Variants in GABRA1 observed in about 807,000 individuals in gnomAD.
GABRA1 encodes gamma-aminobutyric acid receptor subunit alpha-1.
GABRA1 carries 9 observed loss-of-function variants against 48.9 expected under a neutral mutation model. The observed-to-expected ratio is 0.18, with a 90% confidence interval of 0.11 to 0.32. The LOEUF is 0.32. Among genes scored for constraint, GABRA1 ranks in the 10% least tolerant of loss-of-function variants. The pLI, the probability that GABRA1 is intolerant of heterozygous loss-of-function variation, is 1.00. For missense variants in GABRA1, 285 were observed against 553.8 expected, an observed-to-expected ratio of 0.51 and a Z score of 4.87; for synonymous variants, 210 against 198.7, an observed-to-expected ratio of 1.06 and a Z score of -0.48.
chr5:161,852,869 G>A (rs1561564237), intron 2 of GABRA1, among the ~76,000 whole-genome samples: 1 of 151,696 alleles, frequency 6.6e-6, no homozygotes, highest in Admixed American at 6.6e-5. Context: ...GCAAAACAGT[G>A]TTTGTTTTTG....
At chr5:161,854,991 T>G (rs555064841) in intron 3 of GABRA1, among the ~76,000 whole-genome samples, 2 of 151,506 alleles carry the variant, frequency 1.3e-5, no homozygotes, top group African/African-American at 4.8e-5. Context: ...CAAAGACTAA[T>G]GAAGCCAAAT....
rs534982201 is a variant in GABRA1 at position 161,898,002 on chromosome 5, G to A, written c.*580G>A. The stretch of plus-strand genomic sequence containing the variant: ...TTCTTTCTCTTTGAAAAAAAAAAAG[G>A]CCTAATGCATTATTTTGTCATAAAA... On this transcript the variant is annotated 3_prime_UTR_variant, in exon 10 of 10. Transcript: ENST00000393943. The A allele has an allele frequency of 4.6e-5, 7 of 150,884 alleles. No individual in the cohort carries two copies. Among genetic ancestry groups the A allele is most frequent in the African/African-American group, 1.5e-4 (6 of 41,076 alleles). 9.3% of individuals were successfully genotyped at this position (150,884 alleles called of 1,614,324 possible).
chr5:161,864,392 A>G (rs997698919), intron 3 of GABRA1, among the ~76,000 whole-genome samples: 3 of 151,992 alleles, frequency 2.0e-5, no homozygotes, highest in African/African-American at 7.2e-5. Flanking sequence ...TCTGATTCAA[A>G]ATTATTTTTT....
chr5:161,895,627 A>G (rs1755326017), intron 8 of GABRA1, 39 bp from the exon 9 acceptor site: 2 of 1,547,584 alleles, frequency 1.3e-6, no homozygotes, highest in South Asian at 1.1e-5. Flanking sequence ...ATTTCACAGT[A>G]TGAACTGGCA....
chr5:161,892,079 C>T (rs192316171), intron 8 of GABRA1, among the ~76,000 whole-genome samples: 111 of 152,294 alleles, frequency 7.3e-4, no homozygotes, highest in African/African-American at 2.4e-3. Context: ...GGAGTCTGTT[C>T]GCCTAATGAC....
rs772644759 is a variant in GABRA1, at chr5:161,873,001, T to A, written c.256-116T>A. On this transcript the variant is annotated intron_variant, in intron 4 of 9. Coordinates refer to ENST00000393943, the MANE Select transcript of GABRA1 (RefSeq NM_001127644.2). ...TATCACACGTTTACTTCTAAAAACA[T>A]CACCTAGCTAACATTATACTTCCAA... 259 of 785,908 alleles carry A rather than the reference T, an allele frequency of 3.3e-4. 2 individuals are homozygous for A. Among genetic ancestry groups the A allele is most frequent in the Non-Finnish European group, 7.6e-5 (33 of 434,602 alleles). The allele number at this position is 785,908 out of a possible 1,614,324, so 48.7% of individuals were successfully genotyped here.
intron 6 of GABRA1, 87 bp downstream of exon 6, chr5:161,875,729 A>C (rs1230128054): frequency 2.1e-6 from 2 of 968,512 alleles, no homozygotes; most frequent in Admixed American, 3.4e-5. Context: ...CGCGTAGATA[A>C]GGGAATCAAG....
At chr5:161,878,601 A>G (rs1335212073) in intron 6 of GABRA1, among the ~76,000 whole-genome samples, 3 of 152,190 alleles carry the variant, frequency 2.0e-5, no homozygotes, top group Non-Finnish European at 4.4e-5. Flanking sequence ...AGTCTTTCTT[A>G]CCGTTCTCTA....
intron 7 of GABRA1, among the ~76,000 whole-genome samples, chr5:161,883,380 C>T (rs1754700281): frequency 1.3e-5 from 2 of 152,160 alleles, no homozygotes; most frequent in African/African-American, 4.8e-5. Context: ...ATACTCAGAA[C>T]TAGACCTGAC....
At chr5:161,875,714 A>G in intron 6 of GABRA1, 72 bp downstream of exon 6, 1 of 1,123,068 alleles carries the variant, frequency 8.9e-7, no homozygotes, top group South Asian at 1.2e-5. Context: ...TATCTGTGAG[A>G]AAAACGCGTA....
chr5:161,893,048 T>TAATAATAATAA (rs5872733), intron 8 of GABRA1, among the ~76,000 whole-genome samples: 11 of 142,010 alleles, frequency 7.7e-5, no homozygotes, highest in African/African-American at 1.8e-4. Flanking sequence ...ATAATAATAA[T>TAATAATAATAA]AAAATAAACA....
At chr5:161,861,406 A>G (rs966436992) in intron 3 of GABRA1, among the ~76,000 whole-genome samples, 1 of 151,954 alleles carries the variant, frequency 6.6e-6, no homozygotes, top group Non-Finnish European at 1.5e-5. Context: ...ATGTCCATAG[A>G]AACTGCTCAT....
At chr5:161,891,196 C>A (rs904960237) in intron 8 of GABRA1, 146 bp downstream of exon 8, 3 of 766,904 alleles carry the variant, frequency 3.9e-6, no homozygotes, top group Non-Finnish European at 6.6e-6. Flanking sequence ...TTGCCACTCT[C>A]ATTATGGTAT....
intron 8 of GABRA1, among the ~76,000 whole-genome samples, chr5:161,893,048 T>TAATAATAATAATAAAAAAAAA (rs5872733): frequency 7.0e-6 from 1 of 141,994 alleles, no homozygotes; most frequent in South Asian, 2.2e-4. Flanking sequence ...ATAATAATAA[T>TAATAATAATAATAAAAAAAAA]AAAATAAACA....
Position 161,897,209 on chromosome 5 carries a change from AG to A in GABRA1, c.1159del (p.Ala387ProfsTer9). On this transcript the variant is annotated frameshift_variant, in exon 10 of 10. Transcript: ENST00000393943. LOFTEE classifies it high-confidence loss of function. ...ATTTGGCCAGGGGCGACCCGGGCTT[AG>A]CCACCATTGCTAAAAGTGCAACCAT... The part of the protein sequence containing the change: ...PNLARGDPGL[A>X]TIAKSATIEP... 1 of 1,614,170 alleles carries A rather than the reference AG, an allele frequency of 6.2e-7. No individual in the cohort carries two copies. The highest frequency in any genetic ancestry group is 8.5e-7 in the Non-Finnish European group (1 of 1,180,012).
chr5:161,880,534 G>A (rs1754568749), intron 6 of GABRA1, among the ~76,000 whole-genome samples: 1 of 152,108 alleles, frequency 6.6e-6, no homozygotes, highest in Non-Finnish European at 1.5e-5. Context: ...GAAAAACAAA[G>A]ATAAATTCAA....
At chr5:161,854,352 CA>C (rs1757563572) in intron 3 of GABRA1, 82 bp downstream of exon 3, 1 of 787,110 alleles carries the variant, frequency 1.3e-6, no homozygotes, top group African/African-American at 1.7e-5. Context: ...TCTAAATGGT[CA>C]AATAATAAAA....
chr5:161,852,566 A>G (rs1362231538), intron 2 of GABRA1, among the ~76,000 whole-genome samples: 2 of 152,034 alleles, frequency 1.3e-5, no homozygotes, highest in Non-Finnish European at 2.9e-5. Flanking sequence ...TTGCATTCAC[A>G]AAACTATTTT....
chr5:161,861,077 A>G (rs1197740289), intron 3 of GABRA1, among the ~76,000 whole-genome samples: 1 of 151,794 alleles, frequency 6.6e-6, no homozygotes, highest in Non-Finnish European at 1.5e-5. Flanking sequence ...GGAAAACTTA[A>G]GAGAAAGCAA....
Sources: allele counts gnomAD v4.1 joint callset (sites outside exome capture counted in the v4.1 genomes callset), GRCh38; gene constraint gnomAD v4.1.1; transcripts MANE v1.5; gene names NCBI Gene and HGNC (gene_info 2026-07-23, HGNC 2026-07-21).